Variants in DTX2 observed in about 807,000 individuals in gnomAD.
The protein encoded by DTX2 is probable E3 ubiquitin-protein ligase DTX2.
DTX2 carries 29 observed loss-of-function variants against 55.3 expected under a neutral mutation model. The ratio of observed to expected loss-of-function variants is 0.52; its 90% CI spans 0.39 to 0.71. The LOEUF is 0.71. DTX2 is among the 30% of genes least tolerant of loss of function. DTX2 has a pLI of 0.00. For synonymous variants in DTX2, 276 were observed against 340.4 expected (o/e 0.81, Z 2.08); for missense variants, 537 against 822.5 (o/e 0.65, Z 4.25).
At chr7:76,491,026 T>G (rs1810356027) in intron 4 of DTX2, among the ~76,000 whole-genome samples, 1 of 117,692 alleles carries the variant, frequency 8.5e-6, no homozygotes, top group Non-Finnish European at 1.7e-5. Context: ...AGACTGAGTT[T>G]CTCTCTGTTG....
At chr7:76,496,146 C>T (rs2116529036) in intron 5 of DTX2, among the ~76,000 whole-genome samples, 1 of 84,642 alleles carries the variant, frequency 1.2e-5, no homozygotes, top group South Asian at 4.2e-4. Flanking sequence ...CACTGCAACT[C>T]ACCCTGCCCA....
intron 2 of DTX2, chr7:76,474,730 G>A (rs1252388346): frequency 6.6e-6 from 1 of 151,946 alleles, no homozygotes; most frequent in Non-Finnish European, 1.5e-5. Context: ...CACCCGCCCC[G>A]GGGCTCACAG....
chr7:76,503,779 G>A (rs1812013861), intron 9 of DTX2, among the ~76,000 whole-genome samples, 192 bp downstream of exon 9: 1 of 150,344 alleles, frequency 6.7e-6, no homozygotes, highest in African/African-American at 2.4e-5. Flanking sequence ...TAAGCTCTTA[G>A]GGCTGTGGCA....
chr7:76,474,342 A>C (rs1393019034), intron 2 of DTX2, among the ~76,000 whole-genome samples: 2 of 151,860 alleles, frequency 1.3e-5, no homozygotes, highest in East Asian at 3.9e-4. Context: ...GGTGTGAGCC[A>C]CCACGCTTGG....
At chr7:76,474,223 CTTT>C (rs11308718) in intron 2 of DTX2, among the ~76,000 whole-genome samples, 94 of 134,456 alleles carry the variant, frequency 7.0e-4, no homozygotes, top group Non-Finnish European at 1.4e-3. Flanking sequence ...TCTTTCTTTT[CTTT>C]TTTTTTTTTT....
chr7:76,473,152 TTAAACAAAATTTCTAG>T (rs1286963355), intron 2 of DTX2, among the ~76,000 whole-genome samples: 6 of 152,052 alleles, frequency 3.9e-5, no homozygotes, highest in Non-Finnish European at 5.9e-5. Context: ...CTTGTATGTT[TTAAACAAAATTTCTAG>T]TAAAGTAGAA....
At chr7:76,471,334 T>C (rs1423057357) in intron 2 of DTX2, among the ~76,000 whole-genome samples, 34 of 149,120 alleles carry the variant, frequency 2.3e-4, no homozygotes, top group Non-Finnish European at 4.3e-4. Flanking sequence ...GCTAATTTTT[T>C]GTATTTTTAG....
intron 8 of DTX2, chr7:76,502,987 C>T (rs935946179): frequency 4.2e-5 from 9 of 212,558 alleles, no homozygotes; most frequent in East Asian, 1.2e-4. Context: ...CTCCCTGCAT[C>T]GGCCTTCAGG....
intron 2 of DTX2, among the ~76,000 whole-genome samples, chr7:76,473,874 G>C (rs1403913493): frequency 7.7e-6 from 1 of 129,524 alleles, no homozygotes; most frequent in Non-Finnish European, 1.7e-5. Context: ...TAGGAATGGA[G>C]GCCACCTCTG....
chr7:76,467,901 G>A (rs1275725734), intron 2 of DTX2, among the ~76,000 whole-genome samples: 2 of 152,270 alleles, frequency 1.3e-5, no homozygotes, highest in African/African-American at 4.8e-5. Flanking sequence ...GGGGGACGAA[G>A]GGCATGAAAC....
intron 5 of DTX2, among the ~76,000 whole-genome samples, chr7:76,495,300 T>TC (rs1810807925): frequency 6.8e-6 from 1 of 146,066 alleles, no homozygotes; most frequent in Non-Finnish European, 1.5e-5. Context: ...ATCTCAGCCC[T>TC]GGCCCTGGGT....
chr7:76,480,804 T>C (rs1809105524), intron 3 of DTX2, 27 bp downstream of exon 3: 1 of 1,555,832 alleles, frequency 6.4e-7, no homozygotes, highest in Non-Finnish European at 8.7e-7. Context: ...CTCTCGCACA[T>C]ATCTGGGTGC....
Position 76,483,152 on chromosome 7 carries a change from C to T in DTX2, c.908+5C>T, listed in dbSNP as rs373052232. 7.7e-4 allele frequency: 1,245 copies of T among 1,606,528 alleles called. No individual in the cohort carries two copies. In the African/African-American group the frequency reaches 0.014, roughly 18 times the overall value. On this transcript the variant is annotated splice_donor_5th_base_variant and intron_variant, in intron 4 of 10. Transcript: ENST00000430490. ...CTCCACCTCCGGTGCAGTCAGGTAT[C>T]GTGGGCAACGGCCGCTCGTTTTGTC...
intron 2 of DTX2, among the ~76,000 whole-genome samples, chr7:76,471,864 G>A (rs1807963890): frequency 6.6e-6 from 1 of 151,306 alleles, no homozygotes; most frequent in Non-Finnish European, 1.5e-5. Context: ...GAAGCTGGTT[G>A]ACCACAAGGG....
At chr7:76,474,340 C>T (rs1393735170) in intron 2 of DTX2, among the ~76,000 whole-genome samples, 1 of 151,870 alleles carries the variant, frequency 6.6e-6, no homozygotes, top group Non-Finnish European at 1.5e-5. Flanking sequence ...CAGGTGTGAG[C>T]CACCACGCTT....
chr7:76,475,697 AAAAG>A (rs1808479872), intron 2 of DTX2, among the ~76,000 whole-genome samples: 1 of 110,646 alleles, frequency 9.0e-6, no homozygotes, highest in Admixed American at 9.4e-5. Flanking sequence ...AAAATAAAAA[AAAAG>A]AAAAAAAATC....
In DTX2 at chr7:76,483,001, G is replaced by T; in HGVS notation, c.762G>T (p.Gly254=). The change falls in exon 4 of 11, where the codon GGG becomes GGT. Residue 254 remains glycine (G), a synonymous_variant. Coordinates refer to ENST00000430490, the MANE Select transcript of DTX2 (RefSeq NM_001102594.3). ...FAPYNKPSLS[G]ARSAPRLNTT... is the part of the protein sequence containing the mutation. ...CGTACAACAAACCCTCACTCTCCGG[G>T]GCCCGGTCTGCGCCCAGGCTGAACA... The T allele has an allele frequency of 3.1e-6, 5 of 1,613,512 alleles. No homozygotes were observed. The highest frequency in any genetic ancestry group is 4.2e-6 in the Non-Finnish European group (5 of 1,179,694).
chr7:76,474,164 G>A (rs1334304883), intron 2 of DTX2, among the ~76,000 whole-genome samples: 3 of 150,740 alleles, frequency 2.0e-5, no homozygotes, highest in East Asian at 2.0e-4. Context: ...CAGGTGATCC[G>A]TGCCTGGCCT....
intron 2 of DTX2, among the ~76,000 whole-genome samples, chr7:76,468,434 T>G (rs1807426328): frequency 8.9e-6 from 1 of 112,462 alleles, no homozygotes; most frequent in Non-Finnish European, 1.8e-5. Context: ...CTCAGCCAAA[T>G]CTGGCCCACT....
Sources: gnomAD v4.1 joint callset for allele counts (sites outside exome capture counted in the v4.1 genomes callset) on GRCh38, gnomAD v4.1.1 for gene constraint, MANE v1.5 for transcripts, NCBI Gene and HGNC (gene_info 2026-07-23, HGNC 2026-07-21) for gene names.